Variants in GLB1 observed in about 807,000 individuals in gnomAD.
The protein encoded by GLB1 is beta-galactosidase.
In GLB1, 56 loss-of-function variants were observed where a neutral mutation model predicts 74.0. The observed-to-expected ratio is 0.76, with a 90% CI of 0.61 to 0.94. GLB1 has a LOEUF of 0.94. GLB1 is among the 40% of genes least tolerant of loss of function. GLB1 has a pLI of 0.00. For synonymous variants in GLB1, 323 were observed against 323.6 expected, an observed-to-expected ratio of 1.00 and a Z score of 0.02; for missense variants, 787 against 845.5, an observed-to-expected ratio of 0.93 and a Z score of 0.86.
intron 10 of GLB1, among the ~76,000 whole-genome samples, chr3:33,029,082 A>G (rs1697898308): frequency 6.6e-6 from 1 of 152,180 alleles, no homozygotes; most frequent in Non-Finnish European, 1.5e-5. Context: ...CTAACTTTTC[A>G]TTTTAATATT....
At position 32,997,290 on chromosome 3, in the gene GLB1, G is replaced by A; in HGVS notation, c.1789C>T (p.Pro597Ser). 6.2e-7 allele frequency: 1 copy of A among 1,614,122 alleles called. No individual in the cohort carries two copies. The highest frequency in any genetic ancestry group is 8.5e-7 in the Non-Finnish European group (1 of 1,180,040). Residue 597 changes from proline to serine, a missense_variant, in exon 16 of 16, where the codon CCT (proline) becomes TCT (serine). By Grantham distance (74) the Pro-to-Ser change is moderately conservative. Transcript: ENST00000307363. ...TGGGGCACAAACAAGGTCAACTGAG[G>A]GCCCCGGGCTGGCCAATAGCGGCCA... ...NLGRYWPARG[P>S]QLTLFVPQHI...
chr3:33,034,599 G>C, intron 10 of GLB1: 1 of 718,084 alleles, frequency 1.4e-6, no homozygotes, highest in Non-Finnish European at 2.6e-6. Flanking sequence ...GGAAATATAT[G>C]GTCTCCCAAA....
chr3:33,003,104 C>T (rs1696645589), intron 15 of GLB1, among the ~76,000 whole-genome samples: 1 of 152,138 alleles, frequency 6.6e-6, no homozygotes, highest in South Asian at 2.1e-4. Flanking sequence ...TTTTTGCTTC[C>T]TCCTCAGTCT....
chr3:33,088,510 C>G (rs566484823), intron 1 of GLB1, among the ~76,000 whole-genome samples: 3 of 151,630 alleles, frequency 2.0e-5, no homozygotes, highest in Non-Finnish European at 4.4e-5. Context: ...ATGAACAATC[C>G]TAAATGGAAT....
intron 1 of GLB1, chr3:33,092,010 G>T: frequency 1.0e-6 from 1 of 984,038 alleles, no homozygotes; most frequent in African/African-American, 1.7e-5. Context: ...TCTTTGCCTT[G>T]GTTTCCTTAT....
chr3:33,053,515 C>T lies in GLB1; in HGVS notation c.768G>A (p.Arg256=). 6.2e-7 allele frequency: 1 copy of T among 1,614,184 alleles called. No individual in the cohort carries two copies. Among genetic ancestry groups the T allele is most frequent in the Non-Finnish European group, 8.5e-7 (1 of 1,180,020 alleles). Residue 256 remains arginine, a synonymous_variant, in exon 7 of 16, where the codon AGG becomes AGA. Coordinates refer to ENST00000307363, the MANE Select transcript of GLB1 (RefSeq NM_000404.4). ...CCAAGGGTCCTTTGGGCTCACACTT[C>T]CTCTGGCTTAGGAAAGCATCTGTGA... is the stretch of plus-strand genomic sequence containing the variant. ...SNITDAFLSQ[R]KCEPKGPLIN...
chr3:33,008,059 T>C (rs1298267141), intron 15 of GLB1, among the ~76,000 whole-genome samples: 1 of 152,212 alleles, frequency 6.6e-6, no homozygotes, highest in Non-Finnish European at 1.5e-5. Context: ...TATAAAGCGT[T>C]GAGCAGAACG....
At chr3:33,063,504 G>A (rs1345803781) in intron 5 of GLB1, among the ~76,000 whole-genome samples, 2 of 152,082 alleles carry the variant, frequency 1.3e-5, no homozygotes, top group Non-Finnish European at 2.9e-5. Flanking sequence ...AGGTTGCTAG[G>A]GATGGACACA....
chr3:32,968,458 A>G, the GLB1 span, among the ~76,000 whole-genome samples: 1 of 152,134 alleles, frequency 6.6e-6, no homozygotes, highest in Non-Finnish European at 1.5e-5. Flanking sequence ...AAAAAGCTCA[A>G]ATCTGCTCTA....
the GLB1 span, among the ~76,000 whole-genome samples, chr3:32,972,523 A>G: frequency 2.8e-4 from 43 of 152,240 alleles, no homozygotes; most frequent in African/African-American, 1.0e-3. Context: ...GTTCTTGCTT[A>G]TTCTTGTCAT....
the GLB1 span, among the ~76,000 whole-genome samples, chr3:32,972,176 T>C: frequency 2.0e-5 from 3 of 152,274 alleles, no homozygotes; most frequent in African/African-American, 7.2e-5. Flanking sequence ...CTCAACCACA[T>C]CATAAGGTTG....
chr3:33,056,694 T>C (rs1308873769), intron 6 of GLB1, among the ~76,000 whole-genome samples: 2 of 152,320 alleles, frequency 1.3e-5, no homozygotes, highest in South Asian at 2.1e-4. Flanking sequence ...TTACTAGATA[T>C]ACACTATCAG....
rs1261599031 is a variant in GLB1 at position 33,051,952 on chromosome 3, G to A, written c.845C>T (p.Ser282Phe). 4.3e-6 allele frequency: 7 copies of A among 1,614,096 alleles called. No homozygotes were observed. In the Admixed American group the frequency reaches 8.3e-5, roughly 19 times the overall value. ...GWLDHWGQPH[S>F]TIKTEAVASS... ...AGCCACTGCTTCGGTCTTGATTGTG[G>A]AGTGAGGTTGGCCCCAGTGATCTAG... is the stretch of plus-strand genomic sequence containing the variant. Residue 282 changes from serine (S) to phenylalanine (F), a missense_variant, in exon 8 of 16, where the codon TCC becomes TTC. Coordinates refer to ENST00000307363, the MANE Select transcript of GLB1 (RefSeq NM_000404.4).
chr3:33,082,857 A>G (rs1700372225), intron 1 of GLB1, among the ~76,000 whole-genome samples: 1 of 152,166 alleles, frequency 6.6e-6, no homozygotes, highest in Non-Finnish European at 1.5e-5. Flanking sequence ...CCAGGAGAGC[A>G]GGGGACATGT....
Position 32,996,835 on chromosome 3 carries a change from C to G in GLB1, c.*210G>C, listed in dbSNP as rs374683594. 2 of 768,318 alleles carry G rather than the reference C, an allele frequency of 2.6e-6. No individual in the cohort carries two copies. The highest frequency in any genetic ancestry group is 4.1e-6 in the Non-Finnish European group (2 of 487,988). 47.6% of individuals were successfully genotyped at this position (768,318 alleles called of 1,614,324 possible). On this transcript the variant is annotated 3_prime_UTR_variant, in exon 16 of 16. Coordinates refer to ENST00000307363, the MANE Select transcript of GLB1 (RefSeq NM_000404.4). ...TTCCAGCCCTGCAGATATGTATGCA[C>G]GTTACTGTGCTGTCAGCCCCTCACA...
At chr3:33,024,557 G>A (rs1486727313) in intron 10 of GLB1, 6 of 497,674 alleles carry the variant, frequency 1.2e-5, no homozygotes, top group South Asian at 5.0e-5. Context: ...ATTATAAACC[G>A]AAAGACCTCA....
the GLB1 span, among the ~76,000 whole-genome samples, chr3:32,963,660 T>C: frequency 2.0e-5 from 3 of 152,210 alleles, no homozygotes; most frequent in Non-Finnish European, 4.4e-5. Context: ...ATGGTGCCAT[T>C]AAAAAGAATA....
In GLB1 at chr3:33,093,605, G is replaced by A. The variant is rs61733492; in HGVS notation, c.75+3406C>T. ...TGTTCATTGAGGCAGGCAGCTGATGGATGGGCACCTCCACAGTTTTCACAG... is the reference window on the plus strand; with the variant it reads ...TGTTCATTGAGGCAGGCAGCTGATGAATGGGCACCTCCACAGTTTTCACAG... On this transcript the variant is annotated intron_variant, in intron 1 of 15. Transcript: ENST00000307363. The surrounding 1 kb of genome is among the most constrained non-coding windows in gnomAD (Gnocchi z 6.0). The A allele has an allele frequency of 2.4e-5, 38 of 1,614,156 alleles. No homozygotes were observed. In the African/African-American group the frequency reaches 3.7e-4, roughly 16 times the overall value.
intron 10 of GLB1, among the ~76,000 whole-genome samples, chr3:33,041,655 TG>T (rs1368150906): frequency 3.0e-5 from 4 of 131,634 alleles, no homozygotes; most frequent in African/African-American, 1.1e-4. Context: ...AGTGAGACCC[TG>T]TCTTCAAAAA....
Sources: gnomAD v4.1 joint callset for allele counts (sites outside exome capture counted in the v4.1 genomes callset) on GRCh38, gnomAD v4.1.1 for gene constraint, Gnocchi (gnomAD v3.1) non-coding constraint, MANE v1.5 for transcripts, NCBI Gene and HGNC (gene_info 2026-07-23, HGNC 2026-07-21) for gene names.